CREBBP: variants seen among roughly 807,000 people sequenced by gnomAD.
The protein encoded by CREBBP is CREB binding lysine acetyltransferase.
CREBBP carries 19 observed loss-of-function variants against 265.0 expected under a neutral mutation model. That is an observed-to-expected ratio of 0.07 (90% confidence interval 0.05 to 0.11). The LOEUF is 0.11. Among genes scored for constraint, CREBBP ranks in the 10% least tolerant of loss-of-function variants. The pLI is 1.00. For missense variants in CREBBP, 2,525 were observed against 3,219.0 expected, an observed-to-expected ratio of 0.78 and a Z score of 5.22; for synonymous variants, 1,457 against 1,223.7, an observed-to-expected ratio of 1.19 and a Z score of -3.98.
At chr16:3,761,450 A>G (rs1004393937) in intron 16 of CREBBP, 3 of 490,602 alleles carry the variant, frequency 6.1e-6, no homozygotes, top group Middle Eastern at 3.3e-4. Context: ...TAACTGGTGA[A>G]AGCAAAAGTT....
At chr16:3,813,402 C>G (rs2053975181) in intron 2 of CREBBP, among the ~76,000 whole-genome samples, 1 of 152,154 alleles carries the variant, frequency 6.6e-6, no homozygotes, top group Non-Finnish European at 1.5e-5. Flanking sequence ...TTCTGATTTG[C>G]AAGAAGCTTC....
intron 23 of CREBBP, chr16:3,741,481 A>G (rs939729743): frequency 1.4e-4 from 22 of 152,340 alleles, no homozygotes; most frequent in African/African-American, 4.8e-4. Flanking sequence ...TGATTTTTGG[A>G]TAAGTTGTAC....
chr16:3,730,592 C>T (rs183117481), intron 30 of CREBBP: 72 of 159,504 alleles, frequency 4.5e-4, no homozygotes, highest in Non-Finnish European at 9.3e-4. Context: ...AGGTGGAAAG[C>T]GGAAGAAGTG....
intron 6 of CREBBP, 22 bp downstream of exon 6, chr16:3,782,662 A>G (rs1181336965): frequency 1.2e-6 from 2 of 1,613,344 alleles, no homozygotes; most frequent in African/African-American, 2.7e-5. Context: ...GTAAGAACGA[A>G]GTTGAGAGTT....
intron 1 of CREBBP, among the ~76,000 whole-genome samples, chr16:3,873,145 TC>T (rs1345910879): frequency 6.6e-6 from 1 of 152,184 alleles, no homozygotes; most frequent in African/African-American, 2.4e-5. Flanking sequence ...AACAGGTACC[TC>T]AAGATAAATT....
rs147448293 is a variant in CREBBP, at chr16:3,728,602, C to A, written c.6445G>T (p.Val2149Leu). ...LQNLNAMQAG[V>L]PRPGVPPQQQ... ...TGTGGAGGCACACCGGGCCGCGGCA[C>A]GCCAGCCTGCATGGCATTCAGGTTC... Residue 2149 changes from valine (V) to leucine (L), a missense_variant, in exon 31 of 31, where the codon GTG becomes TTG. Transcript: ENST00000262367. The surrounding 1 kb of genome is among the most constrained non-coding windows in gnomAD (Gnocchi z 8.7). 5 of 1,613,542 alleles carry A rather than the reference C, an allele frequency of 3.1e-6. No individual in the cohort carries two copies. The Admixed American group carries it at 8.3e-5, about 27-fold the overall frequency.
At chr16:3,768,239 G>A (rs752999892) in intron 15 of CREBBP, among the ~76,000 whole-genome samples, 11 of 127,076 alleles carry the variant, frequency 8.7e-5, no homozygotes, top group Non-Finnish European at 1.6e-4. Context: ...TCCCCCTCCT[G>A]GGTTCTAGCA....
intron 2 of CREBBP, among the ~76,000 whole-genome samples, chr16:3,824,683 G>A (rs754168651): frequency 2.0e-5 from 3 of 152,188 alleles, no homozygotes; most frequent in South Asian, 2.1e-4. Flanking sequence ...CACACGCGGC[G>A]GCAGCAGCAC....
intron 22 of CREBBP, 67 bp downstream of exon 22, chr16:3,745,210 G>T (rs962919563): frequency 7.3e-7 from 1 of 1,364,814 alleles, no homozygotes; most frequent in Non-Finnish European, 1.0e-6. Flanking sequence ...AGATGCAGTA[G>T]CCACTGCAAC....
intron 5 of CREBBP, among the ~76,000 whole-genome samples, chr16:3,790,987 CAAG>C (rs986192849): frequency 6.6e-6 from 1 of 152,000 alleles, no homozygotes; most frequent in Admixed American, 6.6e-5. Context: ...GAAGGATGAT[CAAG>C]AAGAATGAGA....
chr16:3,819,144 T>C (rs976212704), intron 2 of CREBBP, among the ~76,000 whole-genome samples: 2 of 152,266 alleles, frequency 1.3e-5, no homozygotes, highest in Non-Finnish European at 2.9e-5. Flanking sequence ...AAATTTTTCT[T>C]ATTGGAACAC....
chr16:3,811,707 T>A (rs2053941468), intron 2 of CREBBP, among the ~76,000 whole-genome samples: 1 of 152,148 alleles, frequency 6.6e-6, no homozygotes, highest in Admixed American at 6.5e-5. Context: ...CTGGCCAGGC[T>A]GTTCTCAAAC....
chr16:3,821,906 TGTAGCCCCA>T, intron 2 of CREBBP, among the ~76,000 whole-genome samples: 1 of 152,154 alleles, frequency 6.6e-6, no homozygotes, highest in South Asian at 2.1e-4. Flanking sequence ...GGCACACACC[TGTAGCCCCA>T]GCTACAGGTT....
rs1358802305 is a variant in CREBBP at position 3,801,651 on chromosome 16, C to T, written c.976-8025G>A. Reference sequence around the variant, plus strand: ...CGCCACTGCACTCCAGCTTGTGCAACAAGAGCAACATTCTGTCTAAAAAAA... The same window carrying T: ...CGCCACTGCACTCCAGCTTGTGCAATAAGAGCAACATTCTGTCTAAAAAAA... On this transcript the variant is annotated intron_variant, in intron 3 of 30. Coordinates refer to ENST00000262367, the MANE Select transcript of CREBBP (RefSeq NM_004380.3). Among the ~76,000 whole-genome samples the T allele has an allele frequency of 3.9e-5, 6 of 152,086 alleles. No homozygotes were observed. The South Asian group carries it at 8.3e-4, about 21-fold the overall frequency.
At chr16:3,865,830 G>GT (rs1405583090) in intron 1 of CREBBP, among the ~76,000 whole-genome samples, 1 of 152,122 alleles carries the variant, frequency 6.6e-6, no homozygotes, top group African/African-American at 2.4e-5. Context: ...TAGAGACGGG[G>GT]TTTCACCATG....
At chr16:3,777,205 G>GGC (rs930134091) in intron 11 of CREBBP, among the ~76,000 whole-genome samples, 6 of 151,330 alleles carry the variant, frequency 4.0e-5, no homozygotes, top group African/African-American at 1.5e-4. Context: ...CGTGGTGGTG[G>GGC]GCGCCTGTAG....
chr16:3,731,971 A>C lies in CREBBP; in HGVS notation c.4729-34T>G. On this transcript the variant is annotated intron_variant, in intron 28 of 30. Transcript: ENST00000262367. The surrounding 1 kb of genome is among the most constrained non-coding windows in gnomAD (Gnocchi z 7.7). ...ACACGCAAGGCTGTGAGACCAGGCA[A>C]GTGCCCCTCCACACTTGGCACGGAC... is the stretch of plus-strand genomic sequence containing the variant. The C allele has an allele frequency of 6.2e-7, 1 of 1,614,046 alleles. No individual in the cohort carries two copies. Among genetic ancestry groups the C allele is most frequent in the South Asian group, 1.1e-5 (1 of 91,066 alleles).
intron 28 of CREBBP, among the ~76,000 whole-genome samples, chr16:3,732,980 A>C (rs1430870788): frequency 6.6e-6 from 1 of 152,026 alleles, no homozygotes; most frequent in Non-Finnish European, 1.5e-5. Flanking sequence ...GATTACAGGC[A>C]TGAGCCACCG....
intron 2 of CREBBP, among the ~76,000 whole-genome samples, chr16:3,826,542 G>A (rs2054240762): frequency 1.3e-5 from 2 of 152,070 alleles, no homozygotes; most frequent in African/African-American, 4.8e-5. Flanking sequence ...CCCTCAAAGT[G>A]ACGTGGTAAA....
Sources: gnomAD v4.1 joint callset for allele counts (sites outside exome capture counted in the v4.1 genomes callset) on GRCh38, gnomAD v4.1.1 for gene constraint, Gnocchi (gnomAD v3.1) non-coding constraint, MANE v1.5 for transcripts, NCBI Gene and HGNC (gene_info 2026-07-23, HGNC 2026-07-21) for gene names.